EMC1: variants seen among roughly 807,000 people sequenced by gnomAD.
EMC1 encodes the protein ER membrane protein complex subunit 1.
In EMC1, 103 loss-of-function variants were observed where a neutral mutation model predicts 128.8. The ratio of observed to expected loss-of-function variants is 0.80; its 90% CI spans 0.68 to 0.94. EMC1 has a LOEUF of 0.94. EMC1 is among the 40% of genes least tolerant of loss of function. The pLI, the probability that EMC1 is intolerant of heterozygous loss-of-function variation, is 0.00. For missense variants in EMC1, 1,083 were observed against 1,250.6 expected, an observed-to-expected ratio of 0.87 and a Z score of 2.02; for synonymous variants, 442 against 490.4, an observed-to-expected ratio of 0.90 and a Z score of 1.30.
At chr1:19,251,280 G>T in intron 1 of EMC1, 135 bp downstream of exon 1, 1 of 775,016 alleles carries the variant, frequency 1.3e-6, no homozygotes, top group Non-Finnish European at 2.1e-6. Context: ...TTAACAAGGG[G>T]CCCCACGTTT....
Position 19,251,505 on chromosome 1 carries a change from G to T in EMC1, c.5C>A (p.Ala2Glu). MAAEWASRFWLW... is the reference protein window; with the variant it reads MEAEWASRFWLW... Reference sequence around the variant, plus strand: ...CCAGAAACGAGAAGCCCACTCAGCCGCCATGATGCGAGCGCATGCACCACC... The same window carrying T: ...CCAGAAACGAGAAGCCCACTCAGCCTCCATGATGCGAGCGCATGCACCACC... The change falls in exon 1 of 23, where the codon GCG (alanine) becomes GAG (glutamate). Residue 2 changes from alanine to glutamate, a missense_variant. Ala to Glu is a moderately radical substitution (Grantham distance 107). Coordinates refer to ENST00000477853, the MANE Select transcript of EMC1 (RefSeq NM_015047.3). 6.2e-7 allele frequency: 1 copy of T among 1,614,100 alleles called. No homozygotes were observed. Among genetic ancestry groups the T allele is most frequent in the Admixed American group, 1.7e-5 (1 of 60,032 alleles).
chr1:19,238,169 C>T, intron 10 of EMC1, 30 bp from the exon 11 acceptor site: 1 of 1,608,482 alleles, frequency 6.2e-7, no homozygotes, highest in East Asian at 2.2e-5. Context: ...GTGTCAACTA[C>T]AGGTATCCCC....
In EMC1 at chr1:19,231,574, T is replaced by C. The variant is rs1423636274; in HGVS notation, c.1783-152A>G. ...AAATAAGTTCTTGGCTGTAGGTGAATAGTCCCCTAGGCTAACGTCACAAAG... is the reference window on the plus strand; with the variant it reads ...AAATAAGTTCTTGGCTGTAGGTGAACAGTCCCCTAGGCTAACGTCACAAAG... On this transcript the variant is annotated intron_variant, in intron 15 of 22. Transcript: ENST00000477853. 1.3e-5 allele frequency: 10 copies of C among 757,988 alleles called. No individual in the cohort carries two copies. The South Asian group carries it at 1.7e-4, about 13-fold the overall frequency. 47.0% of individuals were successfully genotyped at this position (757,988 alleles called of 1,614,324 possible).
intron 17 of EMC1, 131 bp downstream of exon 17, chr1:19,230,713 G>A: frequency 1.7e-6 from 2 of 1,200,548 alleles, no homozygotes; most frequent in Non-Finnish European, 2.3e-6. Context: ...GATTGACTTT[G>A]TATCAGACAT....
chr1:19,234,262 A>G (rs1350173233), intron 13 of EMC1: 2 of 819,732 alleles, frequency 2.4e-6, no homozygotes, highest in Non-Finnish European at 2.9e-6. Context: ...ATTGCCTAGC[A>G]GAGTGCCTGG....
chr1:19,240,927 A>C, intron 6 of EMC1, 89 bp downstream of exon 6: 1 of 1,492,740 alleles, frequency 6.7e-7, no homozygotes, highest in East Asian at 2.3e-5. Flanking sequence ...GCATCTGCCC[A>C]GCCAAGTTCC....
At chr1:19,240,550 CTCAAAGGT>C in intron 6 of EMC1, 104 bp from the exon 7 acceptor site, 1 of 1,292,202 alleles carries the variant, frequency 7.7e-7, no homozygotes, top group Non-Finnish European at 1.1e-6. Context: ...GGGTCCTAAG[CTCAAAGGT>C]TCTTCATGGT....
chr1:19,219,627 GTC>G lies in EMC1; in HGVS notation c.2742_2743del (p.Gln914HisfsTer40). On this transcript the variant is annotated frameshift_variant, in exon 22 of 23. Transcript: ENST00000477853. LOFTEE classifies it high-confidence loss of function. The stretch of plus-strand genomic sequence containing the variant: ...GTAGATACCTCGCATTCGAGAAACT[GTC>G]TGGTTATAGTTGATGAATCGCTCTG... 1 of 1,613,150 alleles carries G rather than the reference GTC, an allele frequency of 6.2e-7. No homozygotes were observed. Among genetic ancestry groups the G allele is most frequent in the Non-Finnish European group, 8.5e-7 (1 of 1,179,736 alleles).
At chr1:19,243,474 A>G in intron 4 of EMC1, 140 bp downstream of exon 4, 1 of 732,162 alleles carries the variant, frequency 1.4e-6, no homozygotes, top group Non-Finnish European at 2.4e-6. Flanking sequence ...AAGCATATCC[A>G]CAATGGGTAC....
Position 19,222,633 on chromosome 1 carries a change from G to A in EMC1, c.2578C>T (p.His860Tyr). Residue 860 changes from histidine (H) to tyrosine (Y), a missense_variant, in exon 20 of 23, where the codon CAC becomes TAC. His to Tyr is a moderately conservative substitution (Grantham distance 83). Transcript: ENST00000477853. ...TITERGITSR[H>Y]LLIGLPSGAI... ...CTCCCCAGTCACTCACTCAGCAGGTGTCGGCTGGTGATGCCCCGTTCGGTG... is the reference window on the plus strand; with the variant it reads ...CTCCCCAGTCACTCACTCAGCAGGTATCGGCTGGTGATGCCCCGTTCGGTG... The A allele has an allele frequency of 6.2e-7, 1 of 1,613,694 alleles. No homozygotes were observed. The highest frequency in any genetic ancestry group is 8.5e-7 in the Non-Finnish European group (1 of 1,179,942).
rs1477884906 is a variant in EMC1 at position 19,223,479 on chromosome 1, C to T, written c.2293G>A (p.Val765Ile). 5 of 1,613,996 alleles carry T rather than the reference C, an allele frequency of 3.1e-6. No homozygotes were observed. Among genetic ancestry groups the T allele is most frequent in the Admixed American group, 1.7e-5 (1 of 60,004 alleles). ...GAGGAGTGAATGATACGCCCAGTGA[C>T]GCCATCAATGAGGAAGATGCCAATA... Reference protein sequence around the residue: ...TFIGIFLIDGVTGRIIHSSVQ... With the variant: ...TFIGIFLIDGITGRIIHSSVQ... Residue 765 changes from valine (V) to isoleucine (I), a missense_variant, in exon 19 of 23, where the codon GTC becomes ATC. By Grantham distance (29) the Val-to-Ile change is conservative. This residue lies in a region of EMC1 where 527 missense variants were observed against 644.1 expected (regional missense o/e 0.82). Coordinates refer to ENST00000477853, the MANE Select transcript of EMC1 (RefSeq NM_015047.3).
chr1:19,245,844 C>T (rs956347121), intron 1 of EMC1, among the ~76,000 whole-genome samples: 1 of 151,118 alleles, frequency 6.6e-6, no homozygotes, highest in Admixed American at 6.6e-5. Flanking sequence ...CCAGGCTGGT[C>T]TCGAACTCCT....
In EMC1 at chr1:19,240,560, C is replaced by G. The variant is rs1260548106; in HGVS notation, c.637-114G>C. On this transcript the variant is annotated intron_variant, in intron 6 of 22. Coordinates refer to ENST00000477853, the MANE Select transcript of EMC1 (RefSeq NM_015047.3). ...ACTGGGGGTCCTAAGCTCAAAGGTT[C>G]TTCATGGTTGGTTGTATAGGAGTTC... 2.5e-6 allele frequency: 3 copies of G among 1,213,730 alleles called. No homozygotes were observed. In the East Asian group the frequency reaches 7.2e-5, roughly 29 times the overall value. 75.2% of individuals were successfully genotyped at this position (1,213,730 alleles called of 1,614,324 possible). A position where few individuals can be genotyped will look rare whatever the true frequency, so the allele number is the denominator to read the frequency against.
In EMC1 at chr1:19,223,379, T is replaced by C. The variant is rs1311139700; in HGVS notation, c.2376+17A>G. On this transcript the variant is annotated intron_variant, in intron 19 of 22. Transcript: ENST00000477853. The stretch of plus-strand genomic sequence containing the variant: ...GACCTCTGGAGCTACCTTGGGTCCC[T>C]GGTAGTGACCGCTTACCACCACCCA... The C allele has an allele frequency of 2.5e-6, 4 of 1,610,628 alleles. No individual in the cohort carries two copies. The highest frequency in any genetic ancestry group is 3.4e-6 in the Non-Finnish European group (4 of 1,177,216).
chr1:19,215,681 T>A lies in EMC1; in HGVS notation c.*3622A>T, dbSNP rs1176649310. ...ATGGTTTCATGATTTAAAAGCAATTTTTTCATTTTATTTATTTTTGAGACA... is the reference window on the plus strand; with the variant it reads ...ATGGTTTCATGATTTAAAAGCAATTATTTCATTTTATTTATTTTTGAGACA... On this transcript the variant is annotated 3_prime_UTR_variant, in exon 23 of 23. Coordinates refer to ENST00000477853, the MANE Select transcript of EMC1 (RefSeq NM_015047.3). 7.9e-6 allele frequency: 1 copy of A among 127,198 alleles called. No homozygotes were observed. Among genetic ancestry groups the A allele is most frequent in the African/African-American group, 2.8e-5 (1 of 36,028 alleles). 7.9% of individuals were successfully genotyped at this position (127,198 alleles called of 1,614,324 possible). A position where few individuals can be genotyped will look rare whatever the true frequency, so the allele number is the denominator to read the frequency against.
chr1:19,222,757 G>A lies in EMC1; in HGVS notation c.2454C>T (p.Asn818=), dbSNP rs141218180. 2.3e-4 allele frequency: 376 copies of A among 1,614,034 alleles called. No individual in the cohort carries two copies. The highest frequency in any genetic ancestry group is 2.9e-4 in the Non-Finnish European group (340 of 1,180,024). The change falls in exon 20 of 23, where the codon AAC becomes AAT. Residue 818 remains asparagine, a synonymous_variant. Coordinates refer to ENST00000477853, the MANE Select transcript of EMC1 (RefSeq NM_015047.3). The stretch of plus-strand genomic sequence containing the variant: ...GGTCCAGGGAGCTGAAGGCGGTGGC[G>A]TTGTATTGCTCAGTGCCCTCATAGA... ...LELYEGTEQY[N]ATAFSSLDRP... is the part of the protein sequence containing the mutation.
At chr1:19,244,695 C>G in intron 2 of EMC1, 1 of 477,978 alleles carries the variant, frequency 2.1e-6, no homozygotes, top group South Asian at 2.4e-5. Context: ...ACTCAGGATT[C>G]AAGCTGAGAG....
intron 20 of EMC1, 83 bp from the exon 21 acceptor site, chr1:19,220,931 A>T (rs2093426708): frequency 9.9e-7 from 1 of 1,014,462 alleles, no homozygotes; most frequent in Non-Finnish European, 1.5e-6. Context: ...GCAGACATTT[A>T]AATAAGAATT....
chr1:19,237,622 A>ATGAGGAGTCCAGGC (rs1269152134), intron 11 of EMC1, among the ~76,000 whole-genome samples: 5 of 152,196 alleles, frequency 3.3e-5, no homozygotes, highest in Non-Finnish European at 5.9e-5. Flanking sequence ...CTGGGTAGTG[A>ATGAGGAGTCCAGGC]TGAGGAGTCC....
Sources: allele counts gnomAD v4.1 joint callset (sites outside exome capture counted in the v4.1 genomes callset), GRCh38; gene constraint gnomAD v4.1.1; regional missense constraint gnomAD v4.1.1; transcripts MANE v1.5; gene names NCBI Gene and HGNC (gene_info 2026-07-23, HGNC 2026-07-21).